The following DLG2 variants were observed in gnomAD, a reference collection of about 807,000 sequenced individuals.
DLG2 encodes disks large homolog 2.
A neutral mutation model predicts 132.5 loss-of-function variants in DLG2; 45 were observed. That is an observed-to-expected ratio of 0.34 (90% CI 0.27 to 0.44). DLG2 has a LOEUF of 0.44. DLG2 is among the 20% of genes least tolerant of loss of function. DLG2 has a pLI of 1.00. For missense variants in DLG2, 1,045 were observed against 1,196.9 expected (o/e 0.87, Z 1.87); for synonymous variants, 424 against 419.6 (o/e 1.01, Z -0.13).
intron 3 of DLG2, among the ~76,000 whole-genome samples, chr11:85,510,216 C>A (rs1565610646): frequency 6.6e-6 from 1 of 151,816 alleles, no homozygotes; most frequent in Non-Finnish European, 1.5e-5. Context: ...AGAAAAGAAT[C>A]ATACAATATG....
chr11:84,596,806 AT>A (rs1191048869), intron 6 of DLG2, among the ~76,000 whole-genome samples: 1 of 152,164 alleles, frequency 6.6e-6, no homozygotes, highest in Non-Finnish European at 1.5e-5. Flanking sequence ...TGTTAACTTA[AT>A]TGTACGAAAT....
intron 4 of DLG2, among the ~76,000 whole-genome samples, chr11:85,238,814 C>G (rs910295355): frequency 2.0e-5 from 3 of 151,746 alleles, no homozygotes; most frequent in Admixed American, 6.6e-5. Context: ...CCTGAAGTGA[C>G]AGCTTCACAA....
intron 4 of DLG2, among the ~76,000 whole-genome samples, chr11:85,222,310 T>C (rs552758980): frequency 1.3e-5 from 2 of 152,154 alleles, no homozygotes; most frequent in African/African-American, 4.8e-5. Context: ...TCCTAAGTCA[T>C]AGACCCATTT....
chr11:83,740,655 T>C (rs1349130073), intron 18 of DLG2, among the ~76,000 whole-genome samples: 5 of 152,186 alleles, frequency 3.3e-5, no homozygotes, highest in Admixed American at 6.5e-5. Flanking sequence ...ACAAATTTTA[T>C]GAAAACAGTA....
rs374167102 is a variant in DLG2 at position 83,956,616 on chromosome 11, G to A, written c.1340+6269C>T. 5.6e-4 allele frequency among the ~76,000 whole-genome samples: 86 copies of A among 152,330 alleles called. No individual in the cohort carries two copies. The East Asian group carries it at 7.1e-3, about 13-fold the overall frequency. ...CAAGTAGACAGGGTGCCCCTACCGCGAGTCCAGTGAAGGGGCCAAGAGAAA... is the reference window on the plus strand; with the variant it reads ...CAAGTAGACAGGGTGCCCCTACCGCAAGTCCAGTGAAGGGGCCAAGAGAAA... On this transcript the variant is annotated intron_variant, in intron 14 of 27. Coordinates refer to ENST00000376104, the MANE Select transcript of DLG2 (RefSeq NM_001142699.3).
intron 17 of DLG2, among the ~76,000 whole-genome samples, chr11:83,827,823 C>T (rs972850320): frequency 1.8e-4 from 28 of 152,192 alleles, no homozygotes; most frequent in Non-Finnish European, 3.8e-4. Context: ...GGCGACTGCA[C>T]TAGTTAATGT....
chr11:83,836,376 C>T (rs886490656), intron 16 of DLG2, among the ~76,000 whole-genome samples: 1 of 152,090 alleles, frequency 6.6e-6, no homozygotes, highest in African/African-American at 2.4e-5. Context: ...AATAAGGTAC[C>T]CATTTCCTTG....
chr11:84,236,114 AGAGT>A (rs986061794), intron 8 of DLG2, among the ~76,000 whole-genome samples: 1 of 151,906 alleles, frequency 6.6e-6, no homozygotes, highest in African/African-American at 2.4e-5. Context: ...CACAAAAGAG[AGAGT>A]TAGTTCTCTT....
intron 7 of DLG2, among the ~76,000 whole-genome samples, chr11:84,511,028 A>G (rs148212158): frequency 9.6e-4 from 146 of 152,292 alleles, no homozygotes; most frequent in Non-Finnish European, 1.8e-3. Context: ...GGATAAGGAA[A>G]TATCAACTAG....
chr11:84,596,992 G>A (rs1280802279), intron 6 of DLG2, among the ~76,000 whole-genome samples: 2 of 152,080 alleles, frequency 1.3e-5, no homozygotes, highest in Non-Finnish European at 2.9e-5. Flanking sequence ...AAGCTAAGGC[G>A]GGCGGATCAC....
intron 6 of DLG2, among the ~76,000 whole-genome samples, chr11:84,715,362 C>CTG (rs1185631189): frequency 6.6e-6 from 1 of 151,936 alleles, no homozygotes; most frequent in African/African-American, 2.4e-5. Context: ...GTGTTACACT[C>CTG]TGTGTGTGTG....
At chr11:84,034,846 G>C (rs1204707457) in intron 11 of DLG2, among the ~76,000 whole-genome samples, 1 of 152,100 alleles carries the variant, frequency 6.6e-6, no homozygotes, top group Non-Finnish European at 1.5e-5. Context: ...AAGCCACCTG[G>C]TATCTTTTTC....
chr11:83,996,747 G>C (rs1276036071), intron 11 of DLG2, among the ~76,000 whole-genome samples: 1 of 151,988 alleles, frequency 6.6e-6, no homozygotes, highest in Non-Finnish European at 1.5e-5. Flanking sequence ...TTCTCACTTA[G>C]TTGTAGGACC....
rs200297525 is a variant in DLG2, at chr11:84,828,583, T to G, written c.357+283078A>C. Among the ~76,000 whole-genome samples the G allele has an allele frequency of 8.6e-5, 13 of 151,832 alleles. No homozygotes were observed. The East Asian group carries it at 2.3e-3, about 27-fold the overall frequency. On this transcript the variant is annotated intron_variant, in intron 6 of 27. Coordinates refer to ENST00000376104, the MANE Select transcript of DLG2 (RefSeq NM_001142699.3). ...TCTCTTGTTACCACCTATACTCATC[T>G]CCTGTCATTGATCTTCTCATATTTA...
intron 4 of DLG2, among the ~76,000 whole-genome samples, chr11:85,268,952 T>C (rs1422498098): frequency 6.6e-6 from 1 of 152,238 alleles, no homozygotes; most frequent in Non-Finnish European, 1.5e-5. Flanking sequence ...TGCTATTTCA[T>C]GTGTGAGAGA....
chr11:84,062,802 G>A (rs1566293780), intron 10 of DLG2, among the ~76,000 whole-genome samples: 1 of 151,184 alleles, frequency 6.6e-6, no homozygotes, highest in Non-Finnish European at 1.5e-5. Flanking sequence ...TCTCAAAATA[G>A]AGAGGAAAGT....
chr11:85,171,136 G>T (rs142157188), intron 4 of DLG2, among the ~76,000 whole-genome samples: 4 of 152,146 alleles, frequency 2.6e-5, no homozygotes, highest in Non-Finnish European at 5.9e-5. Flanking sequence ...TAGCCAATTA[G>T]AAGCAGCTGC....
intron 3 of DLG2, among the ~76,000 whole-genome samples, chr11:85,424,377 C>A (rs1312642513): frequency 1.3e-5 from 2 of 152,118 alleles, no homozygotes; most frequent in Non-Finnish European, 2.9e-5. Context: ...TGATGCAAGG[C>A]TTCATATGCT....
chr11:85,560,022 T>G (rs527292655), intron 3 of DLG2, among the ~76,000 whole-genome samples: 4 of 151,838 alleles, frequency 2.6e-5, no homozygotes, highest in African/African-American at 9.6e-5. Context: ...TATAAATAAA[T>G]TAAAACCACA....
Sources: allele counts gnomAD v4.1 joint callset (sites outside exome capture counted in the v4.1 genomes callset), GRCh38; gene constraint gnomAD v4.1.1; transcripts MANE v1.5; gene names NCBI Gene and HGNC (gene_info 2026-07-23, HGNC 2026-07-21).